The following IL20RB variants were observed in gnomAD, a reference collection of about 807,000 sequenced individuals.
The protein encoded by IL20RB is interleukin-20 receptor subunit beta.
Under a neutral mutation model 33.3 loss-of-function variants are expected in IL20RB, and 21 were observed. The observed-to-expected ratio is 0.63, with a 90% CI of 0.45 to 0.91. The LOEUF (loss-of-function observed/expected upper bound fraction) is 0.91, where lower values mean the gene tolerates loss of function less well. Ranked by LOEUF, IL20RB falls within the 40% of genes least tolerant of loss-of-function variation. IL20RB has a pLI of 0.00. For missense variants in IL20RB, 345 were observed against 384.8 expected, an observed-to-expected ratio of 0.90 and a Z score of 0.86; for synonymous variants, 147 against 146.8, an observed-to-expected ratio of 1.00 and a Z score of -0.01.
intron 6 of IL20RB, among the ~76,000 whole-genome samples, chr3:137,000,400 C>G (rs367754798): frequency 1.3e-5 from 2 of 152,232 alleles, no homozygotes; most frequent in East Asian, 3.8e-4. Context: ...TCTGTGTTTG[C>G]ACCAGTCTCT....
chr3:136,972,524 A>G (rs1010099276), intron 1 of IL20RB, among the ~76,000 whole-genome samples: 2 of 151,960 alleles, frequency 1.3e-5, no homozygotes, highest in African/African-American at 4.8e-5. Context: ...TCCTGATTCA[A>G]TCTTGGTAGG....
intron 1 of IL20RB, among the ~76,000 whole-genome samples, chr3:136,978,972 T>G (rs1431917369): frequency 6.6e-6 from 1 of 152,242 alleles, no homozygotes; most frequent in Non-Finnish European, 1.5e-5. Context: ...TTTGTTGACA[T>G]AATTTAATTA....
chr3:136,958,241 G>A, intron 1 of IL20RB, 40 bp downstream of exon 1: 1 of 1,313,152 alleles, frequency 7.6e-7, no homozygotes, highest in Non-Finnish European at 1.1e-6. Context: ...TTTGGGCCTT[G>A]AATATAGGTT....
At chr3:136,998,856 T>C (rs1942186297) in intron 6 of IL20RB, among the ~76,000 whole-genome samples, 2 of 152,056 alleles carry the variant, frequency 1.3e-5, no homozygotes. Flanking sequence ...TTAATTGTCT[T>C]CTAGCTTACA....
intron 2 of IL20RB, among the ~76,000 whole-genome samples, chr3:136,981,418 T>G (rs925547673): frequency 3.3e-5 from 5 of 152,116 alleles, no homozygotes; most frequent in African/African-American, 1.2e-4. Context: ...GAAAGTTTAT[T>G]TTTGGAAAGC....
At chr3:136,994,400 C>T (rs1400782220) in intron 5 of IL20RB, among the ~76,000 whole-genome samples, 1 of 152,172 alleles carries the variant, frequency 6.6e-6, no homozygotes, top group Non-Finnish European at 1.5e-5. Context: ...TAAATATATA[C>T]ACCTACTATA....
At chr3:136,975,949 C>T (rs1442463057) in intron 1 of IL20RB, among the ~76,000 whole-genome samples, 1 of 152,158 alleles carries the variant, frequency 6.6e-6, no homozygotes, top group East Asian at 1.9e-4. Flanking sequence ...GGGCCCTGGA[C>T]AGCTAGCATG....
At chr3:137,006,106 G>A (rs976271449) in intron 6 of IL20RB, among the ~76,000 whole-genome samples, 5 of 152,158 alleles carry the variant, frequency 3.3e-5, no homozygotes, top group Non-Finnish European at 2.9e-5. Flanking sequence ...ACTCTCTTCC[G>A]GCTTGTAGAA....
chr3:137,007,424 T>G (rs1223794245), intron 6 of IL20RB, among the ~76,000 whole-genome samples: 2 of 152,240 alleles, frequency 1.3e-5, no homozygotes, highest in Non-Finnish European at 2.9e-5. Flanking sequence ...TAGGCATTGT[T>G]GAGCTGTGGT....
chr3:136,962,932 G>A (rs903844825), intron 1 of IL20RB, among the ~76,000 whole-genome samples: 7 of 148,788 alleles, frequency 4.7e-5, no homozygotes, highest in African/African-American at 1.7e-4. Flanking sequence ...CTGAAGCTTA[G>A]TTAATAATAT....
In IL20RB at chr3:136,975,868, T is replaced by C. The variant is rs541298038; in HGVS notation, c.89-4598T>C. On this transcript the variant is annotated intron_variant, in intron 1 of 6. Transcript: ENST00000329582. ...TTGGTGGTTACCAGAATGCTGATCA[T>C]TGGGCCTCCACATGGCTTGCTTGGA... is the stretch of plus-strand genomic sequence containing the variant. Among the ~76,000 whole-genome samples the C allele has an allele frequency of 7.2e-5, 11 of 152,288 alleles. No individual in the cohort carries two copies. In the East Asian group the frequency reaches 1.7e-3, roughly 24 times the overall value.
chr3:136,989,520 G>A lies in IL20RB; in HGVS notation c.486G>A (p.Gln162=), dbSNP rs1941989309. The A allele has an allele frequency of 1.2e-6, 2 of 1,613,992 alleles. No homozygotes were observed. The highest frequency in any genetic ancestry group is 2.2e-5 in the South Asian group (2 of 91,090). ...TTGAGCTGGAGGACCTGGGGCCCCA[G>A]TTTGAGTTCCTTGTGGCCTACTGGA... The part of the protein sequence containing the change: ...LVIELEDLGP[Q]FEFLVAYWRR... The change falls in exon 4 of 7, where the codon CAG becomes CAA. Residue 162 remains glutamine, a synonymous_variant. Coordinates refer to ENST00000329582, the MANE Select transcript of IL20RB (RefSeq NM_144717.4).
chr3:136,989,292 TA>T (rs1941977554), intron 3 of IL20RB, 148 bp from the exon 4 acceptor site: 4 of 811,768 alleles, frequency 4.9e-6, no homozygotes, highest in Non-Finnish European at 8.0e-6. Flanking sequence ...AGTATTTGTG[TA>T]CATGTTTCCA....
At chr3:136,990,268 A>G (rs985718774) in intron 4 of IL20RB, among the ~76,000 whole-genome samples, 1 of 152,084 alleles carries the variant, frequency 6.6e-6, no homozygotes, top group African/African-American at 2.4e-5. Flanking sequence ...GGCCCACTCC[A>G]GGCAGCACAA....
intron 1 of IL20RB, among the ~76,000 whole-genome samples, chr3:136,974,241 T>A (rs1941562076): frequency 6.6e-6 from 1 of 152,212 alleles, no homozygotes; most frequent in African/African-American, 2.4e-5. Flanking sequence ...ATGAGTTTTA[T>A]ACTTTCATGT....
chr3:136,996,364 T>C (rs913783257), intron 6 of IL20RB, among the ~76,000 whole-genome samples: 2 of 151,708 alleles, frequency 1.3e-5, no homozygotes, highest in African/African-American at 4.8e-5. Context: ...AAAAACAAAA[T>C]CAAAAAGCCC....
intron 3 of IL20RB, among the ~76,000 whole-genome samples, chr3:136,987,880 A>T (rs1340280791): frequency 6.6e-6 from 1 of 152,026 alleles, no homozygotes; most frequent in Non-Finnish European, 1.5e-5. Context: ...GGCTGCTCCG[A>T]GTGCGGGGCC....
intron 6 of IL20RB, among the ~76,000 whole-genome samples, chr3:136,997,649 T>C (rs747504281): frequency 6.6e-6 from 1 of 151,970 alleles, no homozygotes; most frequent in Non-Finnish European, 1.5e-5. Context: ...TTTAAATCTA[T>C]CTGTATATTT....
intron 6 of IL20RB, among the ~76,000 whole-genome samples, chr3:137,003,095 T>C (rs979156900): frequency 6.6e-6 from 1 of 152,228 alleles, no homozygotes; most frequent in Non-Finnish European, 1.5e-5. Flanking sequence ...TGTGGTGTTA[T>C]ATCTGAGGTC....
Sources: gnomAD v4.1 joint callset for allele counts (sites outside exome capture counted in the v4.1 genomes callset) on GRCh38, gnomAD v4.1.1 for gene constraint, MANE v1.5 for transcripts, NCBI Gene and HGNC (gene_info 2026-07-23, HGNC 2026-07-21) for gene names.